The following GGT5 variants were observed in gnomAD, a reference collection of about 807,000 sequenced individuals.
GGT5 encodes glutathione hydrolase 5 proenzyme.
GGT5 carries 50 observed loss-of-function variants against 58.1 expected under a neutral mutation model. The ratio of observed to expected loss-of-function variants is 0.86; its 90% CI spans 0.69 to 1.09. The LOEUF is 1.09. Ranked by LOEUF, GGT5 falls within the 50% of genes least tolerant of loss-of-function variation. The probability of loss-of-function intolerance (pLI) is 0.00; values close to 1 mark genes in which losing one functional copy is unlikely to be tolerated. For missense variants in GGT5, 800 were observed against 789.4 expected (o/e 1.01, Z -0.16); for synonymous variants, 370 against 346.1 (o/e 1.07, Z -0.77).
intron 2 of GGT5, 71 bp from the exon 3 acceptor site, chr22:24,233,664 T>C (rs1047492983): frequency 3.9e-5 from 36 of 934,632 alleles, no homozygotes; most frequent in Non-Finnish European, 5.3e-5. Flanking sequence ...TAGGCCTCAG[T>C]TTCCATCTCT....
At position 24,226,263 on chromosome 22, in the gene GGT5, CATT is replaced by C; in HGVS notation, c.1039_1041del (p.Asn347del). 1 of 1,572,622 alleles carries C rather than the reference CATT, an allele frequency of 6.4e-7. No individual in the cohort carries two copies. The highest frequency in any genetic ancestry group is 8.7e-7 in the Non-Finnish European group (1 of 1,154,612). On this transcript the variant is annotated inframe_deletion and splice_region_variant, in exon 8 of 12. Coordinates refer to ENST00000327365, the MANE Select transcript of GGT5 (RefSeq NM_004121.5). ...GTCTCCCCCAGCAGGTCCCGGGAGG[CATT>C]CTGGGGTGGGTGGGCAGGTGGCAGG...
chr22:24,232,843 G>C lies in GGT5; in HGVS notation c.576C>G (p.Ser192=). 1 of 1,549,658 alleles carries C rather than the reference G, an allele frequency of 6.5e-7. No individual in the cohort carries two copies. Among genetic ancestry groups the C allele is most frequent in the Non-Finnish European group, 8.7e-7 (1 of 1,144,558 alleles). Residue 192 remains serine, a synonymous_variant, in exon 4 of 12, where the codon TCC becomes TCG. Coordinates refer to ENST00000327365, the MANE Select transcript of GGT5 (RefSeq NM_004121.5). Reference sequence around the variant, plus strand: ...CTCACCGCAGGGTTGACGCCTGCAAGGAAGGCCGCAGGATGCTGTTGTGCA... The same window carrying C: ...CTCACCGCAGGGTTGACGCCTGCAACGAAGGCCGCAGGATGCTGTTGTGCA... ...RFLHNSILRP[S]LQASTLRQLF...
chr22:24,237,010 T>C (rs1404208845), intron 1 of GGT5, among the ~76,000 whole-genome samples: 113 of 134,564 alleles, frequency 8.4e-4, no homozygotes, highest in African/African-American at 2.5e-3. Flanking sequence ...TTTCTCTCTT[T>C]TTTTTTTTTT....
chr22:24,230,243 C>T (rs952608781), intron 6 of GGT5, among the ~76,000 whole-genome samples: 1 of 152,050 alleles, frequency 6.6e-6, no homozygotes, highest in Non-Finnish European at 1.5e-5. Context: ...TGGCAAGCGC[C>T]TGTAATCCCA....
At chr22:24,237,861 C>CT (rs1308955784) in intron 1 of GGT5, among the ~76,000 whole-genome samples, 1 of 152,032 alleles carries the variant, frequency 6.6e-6, no homozygotes, top group Non-Finnish European at 1.5e-5. Flanking sequence ...AGACCATGTA[C>CT]TTTAAAATAA....
rs1402780943 is a variant in GGT5, at chr22:24,238,915, T to G, written c.174-4911A>C. 1.3e-4 allele frequency among the ~76,000 whole-genome samples: 2 copies of G among 15,056 alleles called. 1 individual carries two copies. Among genetic ancestry groups the G allele is most frequent in the South Asian group, 3.6e-3 (2 of 554 alleles). The allele number at this position is 15,056 out of a possible 152,430, so 9.9% of individuals were successfully genotyped here. The stretch of plus-strand genomic sequence containing the variant: ...TTTATATATATATATATTATATATA[T>G]TATATATATAATATATATTATATAA... On this transcript the variant is annotated intron_variant, in intron 1 of 11. Coordinates refer to ENST00000327365, the MANE Select transcript of GGT5 (RefSeq NM_004121.5).
At chr22:24,238,936 TATAATATATATATATATATATA>T (rs2048244517) in intron 1 of GGT5, among the ~76,000 whole-genome samples, 2 of 17,900 alleles carry the variant, frequency 1.1e-4, no homozygotes, top group Non-Finnish European at 1.8e-4. Context: ...ATATATATTA[TATAATATATATATATATATATA>T]ATATATATAT....
At chr22:24,220,273 T>C (rs1314372826) in intron 11 of GGT5, among the ~76,000 whole-genome samples, 157 bp from the exon 12 acceptor site, 1 of 151,986 alleles carries the variant, frequency 6.6e-6, no homozygotes, top group Admixed American at 6.6e-5. Flanking sequence ...GATGGGAGCA[T>C]GGAAGAGATC....
chr22:24,228,510 G>A (rs1211138101), intron 6 of GGT5, among the ~76,000 whole-genome samples: 1 of 150,670 alleles, frequency 6.6e-6, no homozygotes, highest in Admixed American at 6.6e-5. Flanking sequence ...GAGTGCAGTG[G>A]TGTGATCTCA....
intron 1 of GGT5, among the ~76,000 whole-genome samples, chr22:24,235,866 C>T (rs1311406062): frequency 6.6e-6 from 1 of 152,080 alleles, no homozygotes; most frequent in Non-Finnish European, 1.5e-5. Flanking sequence ...AAACCAAAGC[C>T]CCAAGAGGGA....
At chr22:24,235,426 C>T (rs2048068923) in intron 1 of GGT5, among the ~76,000 whole-genome samples, 1 of 152,142 alleles carries the variant, frequency 6.6e-6, no homozygotes, top group Admixed American at 6.5e-5. Context: ...GGACCTGGGT[C>T]CCTGCACCCA....
chr22:24,222,375 C>T (rs754093004), intron 11 of GGT5, among the ~76,000 whole-genome samples: 11 of 152,116 alleles, frequency 7.2e-5, no homozygotes, highest in South Asian at 4.1e-4. Context: ...GCCTGACCTA[C>T]TAATTGCCCA....
At chr22:24,226,839 C>G (rs1473574441) in intron 6 of GGT5, 72 bp from the exon 7 acceptor site, 14 of 1,319,284 alleles carry the variant, frequency 1.1e-5, no homozygotes, top group Admixed American at 1.7e-5. Context: ...CCCCACCCCC[C>G]ACCACAGAAA....
Position 24,238,864 on chromosome 22 carries a change from TA to T in GGT5, c.174-4861del, listed in dbSNP as rs1272315394. On this transcript the variant is annotated intron_variant, in intron 1 of 11. Coordinates refer to ENST00000327365, the MANE Select transcript of GGT5 (RefSeq NM_004121.5). ...ATATATATTATATATATTATATATA[TA>T]ATATATATAATATATATTATATATT... Among the ~76,000 whole-genome samples, 68 of 9,810 alleles carry T rather than the reference TA, an allele frequency of 6.9e-3. 2 individuals are homozygous for T. Among genetic ancestry groups the T allele is most frequent in the African/African-American group, 0.037 (60 of 1,632 alleles). The allele number at this position is 9,810 out of a possible 152,430, so 6.4% of individuals were successfully genotyped here.
rs776143624 is a variant in GGT5 at position 24,226,806 on chromosome 22, C to G, written c.902-39G>C. On this transcript the variant is annotated intron_variant, in intron 6 of 11. Transcript: ENST00000327365. ...GGGGCACAGGTTGGTTGGGGTCACC[C>G]TATGTAATGGGTTGAATGTTGCCCC... is the stretch of plus-strand genomic sequence containing the variant. The G allele has an allele frequency of 2.5e-6, 4 of 1,598,718 alleles. No homozygotes were observed. The African/African-American group carries it at 5.4e-5, about 21-fold the overall frequency.
At chr22:24,222,890 A>T (rs549292562) in intron 11 of GGT5, among the ~76,000 whole-genome samples, 7 of 151,612 alleles carry the variant, frequency 4.6e-5, no homozygotes, top group South Asian at 4.2e-4. Flanking sequence ...ATCCTGGCTA[A>T]CACGGTGAAA....
In GGT5 at chr22:24,244,615, G is replaced by A. The variant is rs769765371; in HGVS notation, c.111C>T (p.Gly37=). ...CAGCAGCGTGGGCAAAGGCCTGGGGGCCACATGGGGCCTGGTGTCGAGAGA... is the reference window on the plus strand; with the variant it reads ...CAGCAGCGTGGGCAAAGGCCTGGGGACCACATGGGGCCTGGTGTCGAGAGA... ...VVLSRHQAPC[G]PQAFAHAAVA... is the part of the protein sequence containing the mutation. Residue 37 remains glycine (G), a synonymous_variant, in exon 1 of 12, where the codon GGC becomes GGT. Transcript: ENST00000327365. 16 of 1,612,676 alleles carry A rather than the reference G, an allele frequency of 9.9e-6. No homozygotes were observed. The highest frequency in any genetic ancestry group is 1.4e-5 in the Non-Finnish European group (16 of 1,179,906).
intron 1 of GGT5, among the ~76,000 whole-genome samples, chr22:24,239,335 T>A (rs1473828850): frequency 2.0e-5 from 3 of 150,668 alleles, no homozygotes; most frequent in African/African-American, 7.3e-5. Context: ...CGAGACTCTG[T>A]CTCAAAAAAA....
intron 7 of GGT5, 147 bp downstream of exon 7, chr22:24,226,484 C>G (rs1391142736): frequency 1.1e-6 from 1 of 893,132 alleles, no homozygotes; most frequent in Non-Finnish European, 1.7e-6. Context: ...TACCTGCCAC[C>G]CCGGGATCCC....
Sources: gnomAD v4.1 joint callset for allele counts (sites outside exome capture counted in the v4.1 genomes callset) on GRCh38, gnomAD v4.1.1 for gene constraint, MANE v1.5 for transcripts, NCBI Gene and HGNC (gene_info 2026-07-23, HGNC 2026-07-21) for gene names.